MX2: variants seen among roughly 807,000 people sequenced by gnomAD.
MX2 encodes interferon-induced GTP-binding protein Mx2.
In MX2, 51 loss-of-function variants were observed where a neutral mutation model predicts 74.0. The ratio of observed to expected loss-of-function variants is 0.69; its 90% CI spans 0.55 to 0.87. The LOEUF (loss-of-function observed/expected upper bound fraction) is 0.87, where lower values mean the gene tolerates loss of function less well. Ranked by LOEUF, MX2 falls within the 40% of genes least tolerant of loss-of-function variation. The probability of loss-of-function intolerance (pLI) is 0.00; values close to 1 mark genes in which losing one functional copy is unlikely to be tolerated. For synonymous variants in MX2, 369 were observed against 339.3 expected (o/e 1.09, Z -0.96); for missense variants, 832 against 908.7 (o/e 0.92, Z 1.09).
rs1431064272 is a variant in MX2, at chr21:41,373,583, C to T, written c.-71-3253C>T. ...TCCTGCTCTCCCCAACTCCCCTCTG[C>T]CCTTCAGCCCCACAGCCAGCCATTA... is the stretch of plus-strand genomic sequence containing the variant. On this transcript the variant is annotated intron_variant, in intron 1 of 13. Coordinates refer to ENST00000330714, the MANE Select transcript of MX2 (RefSeq NM_002463.2). Among the ~76,000 whole-genome samples the T allele has an allele frequency of 7.9e-5, 12 of 152,262 alleles. No individual in the cohort carries two copies. In the East Asian group the frequency reaches 2.3e-3, roughly 29 times the overall value.
chr21:41,365,143 T>C (rs992084454), intron 1 of MX2: 6 of 152,198 alleles, frequency 3.9e-5, no homozygotes, highest in African/African-American at 1.4e-4. Context: ...AAAGACGAGG[T>C]TGTTTTCCAG....
chr21:41,369,021 C>T (rs1330999966), intron 1 of MX2, among the ~76,000 whole-genome samples: 1 of 152,174 alleles, frequency 6.6e-6, no homozygotes, highest in Non-Finnish European at 1.5e-5. Context: ...AGAAAGTCTC[C>T]GTAGGGCTAG....
At position 41,406,726 on chromosome 21, in the gene MX2, T is replaced by A; in HGVS notation, c.1651-18T>A. 6.2e-7 allele frequency: 1 copy of A among 1,602,306 alleles called. No individual in the cohort carries two copies. The highest frequency in any genetic ancestry group is 2.2e-5 in the East Asian group (1 of 44,714). ...AGAAGAAAAAGAAGTAATGTGTTTG[T>A]CTTTTTTATCTAACCAGAGCACGAT... On this transcript the variant is annotated intron_variant, in intron 12 of 13. Transcript: ENST00000330714.
intron 1 of MX2, chr21:41,373,840 A>C (rs1270571838): frequency 6.7e-6 from 1 of 149,374 alleles, no homozygotes; most frequent in Non-Finnish European, 1.5e-5. Flanking sequence ...AGACAGAGAC[A>C]GGCAGGTGTC....
chr21:41,393,028 C>T (rs1228378856), intron 6 of MX2, among the ~76,000 whole-genome samples: 1 of 147,860 alleles, frequency 6.8e-6, no homozygotes, highest in African/African-American at 2.5e-5. Flanking sequence ...ATCGCTTGAA[C>T]CTGAGACGAA....
chr21:41,398,880 G>T lies in MX2; in HGVS notation c.1150-17G>T. The T allele has an allele frequency of 6.2e-7, 1 of 1,609,222 alleles. No individual in the cohort carries two copies. The highest frequency in any genetic ancestry group is 1.7e-4 in the Middle Eastern group (1 of 6,040). ...CTCTTAAGCCGCAGTTTGATTGTTT[G>T]CAATTGTTTTGTTTAGAAATCGCTC... On this transcript the variant is annotated splice_polypyrimidine_tract_variant and intron_variant, in intron 8 of 13. Coordinates refer to ENST00000330714, the MANE Select transcript of MX2 (RefSeq NM_002463.2).
chr21:41,401,188 AT>A (rs1440512533), intron 10 of MX2: 9 of 148,630 alleles, frequency 6.1e-5, no homozygotes, highest in African/African-American at 2.4e-4. Flanking sequence ...TTGAGATGAG[AT>A]TTGGTTGGGG....
At chr21:41,390,114 C>T (rs1325031967) in intron 5 of MX2, 1 of 159,270 alleles carries the variant, frequency 6.3e-6, no homozygotes, top group Admixed American at 6.0e-5. Context: ...GCATTGCTCG[C>T]TGAGCACCTG....
chr21:41,385,538 G>A (rs2052830113), intron 5 of MX2, among the ~76,000 whole-genome samples: 2 of 152,152 alleles, frequency 1.3e-5, no homozygotes, highest in Non-Finnish European at 1.5e-5. Context: ...TGCTTCTGAG[G>A]CCTCCCCAGC....
At chr21:41,406,651 T>C in intron 12 of MX2, 93 bp from the exon 13 acceptor site, 1 of 1,300,982 alleles carries the variant, frequency 7.7e-7, no homozygotes, top group Non-Finnish European at 1.1e-6. Context: ...TTCGTTTTAT[T>C]TCTGAGTTCA....
intron 3 of MX2, 63 bp downstream of exon 3, chr21:41,378,044 C>T (rs1601401407): frequency 6.5e-7 from 1 of 1,540,968 alleles, no homozygotes; most frequent in Non-Finnish European, 8.8e-7. Context: ...CACAAAGCTT[C>T]CCCAGGCACC....
rs1478152874 is a variant in MX2, at chr21:41,368,095, C to T, written c.-72+6040C>T. Among the ~76,000 whole-genome samples, 7 of 152,182 alleles carry T rather than the reference C, an allele frequency of 4.6e-5. No homozygotes were observed. Among genetic ancestry groups the T allele is most frequent in the African/African-American group, 1.2e-4 (5 of 41,438 alleles). On this transcript the variant is annotated intron_variant, in intron 1 of 13. Transcript: ENST00000330714. The surrounding 1 kb of genome is among the most constrained non-coding windows in gnomAD (Gnocchi z 4.6). ...TTATACTGGGCTGCGGAAGCTCCCACGTGGGGACCAAGCCCTGGAGAGGAA... is the reference window on the plus strand; with the variant it reads ...TTATACTGGGCTGCGGAAGCTCCCATGTGGGGACCAAGCCCTGGAGAGGAA...
At chr21:41,376,388 CAA>C (rs1295078253) in intron 1 of MX2, among the ~76,000 whole-genome samples, 1 of 147,632 alleles carries the variant, frequency 6.8e-6, no homozygotes, top group South Asian at 2.2e-4. Flanking sequence ...TACACACACA[CAA>C]AAAAAACTAG....
chr21:41,395,692 A>G lies in MX2; in HGVS notation c.977A>G (p.Lys326Arg). The G allele has an allele frequency of 6.2e-7, 1 of 1,614,228 alleles. No homozygotes were observed. Among genetic ancestry groups the G allele is most frequent in the Non-Finnish European group, 8.5e-7 (1 of 1,180,050 alleles). Residue 326 changes from lysine to arginine, a missense_variant, in exon 7 of 14, where the codon AAG becomes AGG. Lys to Arg is a conservative substitution (Grantham distance 26, BLOSUM62 2). Coordinates refer to ENST00000330714, the MANE Select transcript of MX2 (RefSeq NM_002463.2). ...YPLKKGYMIVKCRGQQEITNR... is the reference protein window; with the variant it reads ...YPLKKGYMIVRCRGQQEITNR... ...CTCAAGAAGGGCTACATGATTGTGA[A>G]GTGCCGGGGCCAGCAGGAGATCACA...
rs368564729 is a variant in MX2 at position 41,380,540 on chromosome 21, G to T, written c.577+389G>T. 6.6e-6 allele frequency among the ~76,000 whole-genome samples: 1 copy of T among 152,090 alleles called. No individual in the cohort carries two copies. Among genetic ancestry groups the T allele is most frequent in the Non-Finnish European group, 1.5e-5 (1 of 68,026 alleles). ...TCGATCTTTGGATCTCAGGTCACCTGCGCCCCCTTTGGAAATGCTGCTGCA... is the reference window on the plus strand; with the variant it reads ...TCGATCTTTGGATCTCAGGTCACCTTCGCCCCCTTTGGAAATGCTGCTGCA... On this transcript the variant is annotated intron_variant, in intron 4 of 13. Transcript: ENST00000330714. This position sits in a 1 kb window ranked among gnomAD's most constrained non-coding sequence, Gnocchi z 4.3.
intron 9 of MX2, 80 bp downstream of exon 9, chr21:41,399,099 A>T: frequency 6.3e-7 from 1 of 1,595,768 alleles, no homozygotes; most frequent in Non-Finnish European, 8.6e-7. Flanking sequence ...TTCTTCACCC[A>T]TGAGATGAGG....
intron 9 of MX2, 71 bp from the exon 10 acceptor site, chr21:41,399,125 C>A (rs2089775833): frequency 6.3e-7 from 1 of 1,597,190 alleles, no homozygotes; most frequent in Non-Finnish European, 8.6e-7. Flanking sequence ...GGGTGGACAT[C>A]TCCTTGCAAC....
At chr21:41,406,021 C>T (rs993320936) in intron 12 of MX2, among the ~76,000 whole-genome samples, 21 of 150,974 alleles carry the variant, frequency 1.4e-4, no homozygotes, top group African/African-American at 4.4e-4. Flanking sequence ...GACGGAGTTT[C>T]GCTCTTGTCG....
chr21:41,399,396 A>G, intron 10 of MX2, 59 bp downstream of exon 10: 1 of 1,552,938 alleles, frequency 6.4e-7, no homozygotes, highest in Middle Eastern at 2.2e-4. Flanking sequence ...ACCAGAGGCT[A>G]TGTCCAGCAC....
Sources: allele counts gnomAD v4.1 joint callset (sites outside exome capture counted in the v4.1 genomes callset), GRCh38; gene constraint gnomAD v4.1.1; non-coding constraint Gnocchi (gnomAD v3.1); transcripts MANE v1.5; gene names NCBI Gene and HGNC (gene_info 2026-07-23, HGNC 2026-07-21).